Variants in SOX6 observed in about 807,000 individuals in gnomAD.
SOX6 encodes SRY-box transcription factor 6, also known as transcription factor SOX-6.
A neutral mutation model predicts 97.8 loss-of-function variants in SOX6; 11 were observed. The ratio of observed to expected loss-of-function variants is 0.11; its 90% confidence interval spans 0.07 to 0.19. The LOEUF is 0.19. Ranked by LOEUF, SOX6 falls within the 10% of genes least tolerant of loss-of-function variation. SOX6 has a pLI of 1.00. For synonymous variants in SOX6, 360 were observed against 371.4 expected, an observed-to-expected ratio of 0.97 and a Z score of 0.35; for missense variants, 810 against 1,039.5, an observed-to-expected ratio of 0.78 and a Z score of 3.04.
intron 6 of SOX6, among the ~76,000 whole-genome samples, chr11:16,173,755 T>G (rs1851104862): frequency 6.6e-6 from 1 of 151,320 alleles, no homozygotes; most frequent in African/African-American, 2.4e-5. Context: ...ACTTTACTAC[T>G]CAAAGACATT....
At chr11:16,632,406 C>G (rs1272449413) in intron 3 of SOX6, among the ~76,000 whole-genome samples, 1 of 152,058 alleles carries the variant, frequency 6.6e-6, no homozygotes, top group Non-Finnish European at 1.5e-5. Flanking sequence ...TTATCAATAA[C>G]AGTCAGCTTT....
chr11:16,076,469 A>G (rs1848355137), intron 9 of SOX6, among the ~76,000 whole-genome samples: 2 of 151,978 alleles, frequency 1.3e-5, no homozygotes, highest in African/African-American at 2.4e-5. Flanking sequence ...ACTTTTCAAA[A>G]GAAGACAGAC....
At chr11:16,473,348 A>G (rs1464206499) in intron 1 of SOX6, among the ~76,000 whole-genome samples, 2 of 152,188 alleles carry the variant, frequency 1.3e-5, no homozygotes, top group African/African-American at 4.8e-5. Flanking sequence ...TACTCTGGTA[A>G]GTGTACAATG....
chr11:16,732,802 C>A (rs1848361246), intron 2 of SOX6, among the ~76,000 whole-genome samples: 1 of 152,172 alleles, frequency 6.6e-6, no homozygotes, highest in African/African-American at 2.4e-5. Flanking sequence ...GAACAGGCAA[C>A]CTACAGAATG....
At chr11:16,065,458 T>C (rs1026272079) in intron 9 of SOX6, among the ~76,000 whole-genome samples, 12 of 151,962 alleles carry the variant, frequency 7.9e-5, no homozygotes, top group African/African-American at 2.9e-4. Context: ...AGAAATTCCA[T>C]GCAATCCACA....
intron 5 of SOX6, among the ~76,000 whole-genome samples, chr11:16,185,698 T>G (rs958864447): frequency 3.9e-5 from 6 of 152,230 alleles, no homozygotes; most frequent in African/African-American, 1.4e-4. Flanking sequence ...TCAAGATTAA[T>G]TTGTGCTAGC....
At chr11:16,049,980 A>C in intron 10 of SOX6, 42 bp from the exon 11 acceptor site, 1 of 1,602,884 alleles carries the variant, frequency 6.2e-7, no homozygotes, top group Non-Finnish European at 8.5e-7. Context: ...ACAAAAGACA[A>C]ATGAAGCACA....
chr11:16,666,109 A>G (rs148273432), intron 3 of SOX6, among the ~76,000 whole-genome samples: 14 of 152,322 alleles, frequency 9.2e-5, no homozygotes, highest in African/African-American at 3.4e-4. Flanking sequence ...CCCAGACTAC[A>G]AAGACTACAA....
intron 3 of SOX6, among the ~76,000 whole-genome samples, chr11:16,298,931 A>G (rs1855173089): frequency 6.6e-6 from 1 of 152,256 alleles, no homozygotes; most frequent in African/African-American, 2.4e-5. Flanking sequence ...CTAATAGAGG[A>G]TGAAGAGATA....
At chr11:15,980,102 G>A (rs1853614039) in intron 15 of SOX6, among the ~76,000 whole-genome samples, 1 of 152,068 alleles carries the variant, frequency 6.6e-6, no homozygotes, top group African/African-American at 2.4e-5. Flanking sequence ...AAGAAAAGAT[G>A]TAATGAGACT....
At chr11:16,501,588 T>C (rs1458091963) in intron 4 of SOX6, among the ~76,000 whole-genome samples, 1 of 151,790 alleles carries the variant, frequency 6.6e-6, no homozygotes, top group Non-Finnish European at 1.5e-5. Context: ...ATCCAGGATC[T>C]AGAAAGAACT....
chr11:16,545,453 T>A (rs967602308), intron 4 of SOX6, among the ~76,000 whole-genome samples: 3 of 151,940 alleles, frequency 2.0e-5, no homozygotes, highest in Admixed American at 6.6e-5. Context: ...ATAGAAAGTA[T>A]ATACCTTAAT....
chr11:16,670,119 C>T (rs570057188), intron 3 of SOX6, among the ~76,000 whole-genome samples: 5 of 152,226 alleles, frequency 3.3e-5, no homozygotes, highest in Middle Eastern at 3.4e-3. Context: ...CATGGCTGAG[C>T]ATACCTACTT....
At chr11:16,259,750 A>G (rs1853817825) in intron 3 of SOX6, among the ~76,000 whole-genome samples, 1 of 152,118 alleles carries the variant, frequency 6.6e-6, no homozygotes, top group African/African-American at 2.4e-5. Flanking sequence ...AATAGTTACT[A>G]TCTTTCAGGG....
intron 1 of SOX6, among the ~76,000 whole-genome samples, chr11:16,343,590 G>A (rs558804478): frequency 6.6e-6 from 1 of 151,876 alleles, no homozygotes; most frequent in Non-Finnish European, 1.5e-5. Flanking sequence ...AGGATGGTTT[G>A]TTAGAATGTT....
intron 4 of SOX6, among the ~76,000 whole-genome samples, chr11:16,200,664 T>G (rs983095176): frequency 6.6e-6 from 1 of 152,222 alleles, no homozygotes; most frequent in African/African-American, 2.4e-5. Context: ...TTATGTTCTT[T>G]GACAAAGAAA....
intron 6 of SOX6, among the ~76,000 whole-genome samples, chr11:16,127,087 ATTTC>A (rs1470392925): frequency 5.3e-5 from 8 of 152,082 alleles, no homozygotes; most frequent in African/African-American, 9.6e-5. Flanking sequence ...ATGTTATTTG[ATTTC>A]TTTATTTCAC....
At chr11:16,475,535 G>T (rs1379973188) in intron 1 of SOX6, among the ~76,000 whole-genome samples, 5 of 152,148 alleles carry the variant, frequency 3.3e-5, no homozygotes, top group African/African-American at 1.2e-4. Context: ...CCAGTTGGTG[G>T]AACAATCAGA....
At chr11:16,230,258 C>T (rs1852808149) in intron 4 of SOX6, among the ~76,000 whole-genome samples, 1 of 142,446 alleles carries the variant, frequency 7.0e-6, no homozygotes, top group Non-Finnish European at 1.5e-5. Flanking sequence ...ACTGAAATAT[C>T]TGTATTACTT....
Sources: allele counts gnomAD v4.1 joint callset (sites outside exome capture counted in the v4.1 genomes callset), GRCh38; gene constraint gnomAD v4.1.1; transcripts MANE v1.5; gene names NCBI Gene and HGNC (gene_info 2026-07-23, HGNC 2026-07-21).